DGKB: variants seen among roughly 807,000 people sequenced by gnomAD.
DGKB encodes the protein diacylglycerol kinase beta.
In DGKB, 67 loss-of-function variants were observed where a neutral mutation model predicts 114.3. That is an observed-to-expected ratio of 0.59 (90% CI 0.48 to 0.72). DGKB has a LOEUF of 0.72. Among genes scored for constraint, DGKB ranks in the 30% least tolerant of loss-of-function variants. The pLI, the probability that DGKB is intolerant of heterozygous loss-of-function variation, is 0.00. For missense variants in DGKB, 907 were observed against 975.2 expected, an observed-to-expected ratio of 0.93 and a Z score of 0.93; for synonymous variants, 398 against 323.1, an observed-to-expected ratio of 1.23 and a Z score of -2.49.
intron 1 of DGKB, among the ~76,000 whole-genome samples, chr7:14,958,227 G>C (rs1209268148): frequency 6.6e-6 from 1 of 151,962 alleles, no homozygotes; most frequent in East Asian, 1.9e-4. Flanking sequence ...GAGCTGCAAA[G>C]TTTTCCAGGA....
At chr7:14,298,620 G>A (rs760096870) in intron 23 of DGKB, among the ~76,000 whole-genome samples, 48 of 151,852 alleles carry the variant, frequency 3.2e-4, no homozygotes, top group Non-Finnish European at 3.7e-4. Flanking sequence ...ACCACTCAGG[G>A]CATAGGCATG....
At chr7:14,435,661 T>C (rs891399886) in intron 21 of DGKB, among the ~76,000 whole-genome samples, 1 of 152,120 alleles carries the variant, frequency 6.6e-6, no homozygotes, top group Non-Finnish European at 1.5e-5. Context: ...TTGATGGCTT[T>C]TGTGCCCATG....
At chr7:14,520,210 A>ATTTTTTTTTT (rs386409562) in intron 20 of DGKB, among the ~76,000 whole-genome samples, 2 of 119,140 alleles carry the variant, frequency 1.7e-5, no homozygotes, top group Non-Finnish European at 1.7e-5. Flanking sequence ...CTTTTTTCCT[A>ATTTTTTTTTT]TTTTTTTTTT....
At chr7:14,720,451 C>T (rs1241419765) in intron 5 of DGKB, among the ~76,000 whole-genome samples, 10 of 150,020 alleles carry the variant, frequency 6.7e-5, no homozygotes, top group African/African-American at 2.5e-4. Context: ...ATTACTGGTG[C>T]GGGACACCAC....
intron 1 of DGKB, among the ~76,000 whole-genome samples, chr7:14,939,899 C>T (rs931124177): frequency 1.3e-5 from 2 of 152,064 alleles, no homozygotes; most frequent in African/African-American, 4.8e-5. Context: ...AGGCGTGAGC[C>T]ACCACACCCA....
chr7:14,517,390 A>G (rs13232496), intron 20 of DGKB, among the ~76,000 whole-genome samples: 66,073 of 151,830 alleles, frequency 0.44, 15,219 homozygotes, highest in East Asian at 0.73. Flanking sequence ...TCTGGACATA[A>G]GATTTGGCAA....
intron 25 of DGKB, among the ~76,000 whole-genome samples, chr7:14,165,918 GA>G (rs1784552833): frequency 6.6e-6 from 1 of 152,134 alleles, no homozygotes; most frequent in African/African-American, 2.4e-5. Context: ...GCACATTTCA[GA>G]AAGCCTCAGA....
chr7:14,288,975 T>C lies in DGKB; in HGVS notation c.2122+49540A>G, dbSNP rs540132806. Among the ~76,000 whole-genome samples, 5 of 152,282 alleles carry C rather than the reference T, an allele frequency of 3.3e-5. No homozygotes were observed. The South Asian group carries it at 1.0e-3, about 32-fold the overall frequency. On this transcript the variant is annotated intron_variant, in intron 23 of 25. Transcript: ENST00000402815. Reference sequence around the variant, plus strand: ...ACTTAGCCTTTAGCACATACAGCAATACAGAATGATGTGACAACGACAGAG... The same window carrying C: ...ACTTAGCCTTTAGCACATACAGCAACACAGAATGATGTGACAACGACAGAG...
chr7:14,674,605 G>A (rs1050145436), intron 12 of DGKB, among the ~76,000 whole-genome samples: 6 of 152,014 alleles, frequency 3.9e-5, no homozygotes, highest in East Asian at 1.9e-4. Flanking sequence ...TTGGAAATAC[G>A]GTCTTTCTAG....
chr7:14,390,688 C>A (rs1189028302), intron 21 of DGKB, among the ~76,000 whole-genome samples: 1 of 152,070 alleles, frequency 6.6e-6, no homozygotes, highest in Non-Finnish European at 1.5e-5. Context: ...AAAACAAAAA[C>A]AATAGTGTTT....
chr7:14,421,108 G>T (rs1237640185), intron 21 of DGKB, among the ~76,000 whole-genome samples: 1 of 152,170 alleles, frequency 6.6e-6, no homozygotes, highest in Non-Finnish European at 1.5e-5. Flanking sequence ...ATTACATAGC[G>T]TATAAGCAAT....
chr7:14,363,776 A>G (rs563574422), intron 21 of DGKB, among the ~76,000 whole-genome samples: 1 of 152,134 alleles, frequency 6.6e-6, no homozygotes, highest in African/African-American at 2.4e-5. Context: ...GAAGCAAAAC[A>G]TGCTCCAAAA....
intron 8 of DGKB, among the ~76,000 whole-genome samples, chr7:14,696,501 C>CAAAAAAAAAAA (rs35486620): frequency 4.4e-5 from 2 of 45,060 alleles, no homozygotes; most frequent in Non-Finnish European, 8.6e-5. Flanking sequence ...GACTCCGTCT[C>CAAAAAAAAAAA]AAAAAAAAAA....
chr7:14,754,379 T>C (rs1834565674), intron 3 of DGKB, among the ~76,000 whole-genome samples: 3 of 152,202 alleles, frequency 2.0e-5, no homozygotes. Flanking sequence ...AACAGAAATA[T>C]AACCATCTAT....
At chr7:14,328,575 A>C (rs1809163576) in intron 23 of DGKB, among the ~76,000 whole-genome samples, 3 of 152,048 alleles carry the variant, frequency 2.0e-5, no homozygotes, top group African/African-American at 4.8e-5. Context: ...CTTTTAATGA[A>C]TCTCTCAACG....
At chr7:14,606,252 G>C (rs1313929691) in intron 17 of DGKB, among the ~76,000 whole-genome samples, 2 of 152,004 alleles carry the variant, frequency 1.3e-5, no homozygotes, top group South Asian at 2.1e-4. Context: ...TTAGCCAACA[G>C]TCTGATCATG....
chr7:14,489,976 C>T (rs1217569075), intron 20 of DGKB, among the ~76,000 whole-genome samples: 3 of 152,120 alleles, frequency 2.0e-5, no homozygotes. Context: ...AATAATATAA[C>T]TTTCACGGCA....
chr7:14,631,738 G>A (rs947657417), intron 13 of DGKB, among the ~76,000 whole-genome samples: 1 of 151,972 alleles, frequency 6.6e-6, no homozygotes, highest in African/African-American at 2.4e-5. Flanking sequence ...TCAGTTCAAA[G>A]ATATTTGCCA....
chr7:14,315,332 AC>A lies in DGKB; in HGVS notation c.2122+23182del, dbSNP rs1490017237. 1.9e-3 allele frequency among the ~76,000 whole-genome samples: 279 copies of A among 150,116 alleles called. 4 individuals carry two copies. Among genetic ancestry groups the A allele is most frequent in the Non-Finnish European group, 6.7e-4 (45 of 66,944 alleles). ...TAAATGCTCCAATTAAAAGACACAG[AC>A]TGGCAAATTGGATAAAGAGTCAAGA... On this transcript the variant is annotated intron_variant, in intron 23 of 25. Coordinates refer to ENST00000402815, the MANE Select transcript of DGKB (RefSeq NM_001350709.2).
Sources: allele counts gnomAD v4.1 joint callset (sites outside exome capture counted in the v4.1 genomes callset), GRCh38; gene constraint gnomAD v4.1.1; transcripts MANE v1.5; gene names NCBI Gene and HGNC (gene_info 2026-07-23, HGNC 2026-07-21).